The following PDK4 variants were observed in gnomAD, a reference collection of about 807,000 sequenced individuals.
PDK4 encodes pyruvate dehydrogenase kinase, isozyme 4.
In PDK4, 43 loss-of-function variants were observed where a neutral mutation model predicts 51.7. That is an observed-to-expected ratio of 0.83 (90% CI 0.65 to 1.07). The LOEUF is 1.07. Ranked by LOEUF, PDK4 falls within the 50% of genes least tolerant of loss-of-function variation. The pLI, the probability that PDK4 is intolerant of heterozygous loss-of-function variation, is 0.00. For synonymous variants in PDK4, 170 were observed against 176.6 expected (o/e 0.96, Z 0.30); for missense variants, 498 against 503.5 (o/e 0.99, Z 0.10).
In PDK4 at chr7:95,584,630, G is replaced by A. The variant is rs1735007185; in HGVS notation, c.*1011C>T. ...TAAACAGACATATTAATGCTGGAGTGTAGAGAATATAATTAAATATATCAA... is the reference window on the plus strand; with the variant it reads ...TAAACAGACATATTAATGCTGGAGTATAGAGAATATAATTAAATATATCAA... On this transcript the variant is annotated 3_prime_UTR_variant, in exon 11 of 11. Transcript: ENST00000005178. The A allele has an allele frequency of 6.6e-6, 1 of 152,140 alleles. No individual in the cohort carries two copies. Among genetic ancestry groups the A allele is most frequent in the Non-Finnish European group, 1.5e-5 (1 of 68,018 alleles). 9.4% of individuals were successfully genotyped at this position (152,140 alleles called of 1,614,324 possible).
At position 95,592,807 on chromosome 7, in the gene PDK4, C is replaced by G; in HGVS notation, c.482G>C (p.Arg161Pro). Residue 161 changes from arginine to proline, a missense_variant, in exon 4 of 11, where the codon CGA (arginine) becomes CCA (proline). Transcript: ENST00000005178. ...AGTAGAAATACGGTTCATGTAAAATCGATCCAAGAAATATTGAAGATTTTG... is the reference window on the plus strand; with the variant it reads ...AGTAGAAATACGGTTCATGTAAAATGGATCCAAGAAATATTGAAGATTTTG... ...TNQNLQYFLDRFYMNRISTRM... is the reference protein window; with the variant it reads ...TNQNLQYFLDPFYMNRISTRM... The G allele has an allele frequency of 6.2e-7, 1 of 1,613,030 alleles. No individual in the cohort carries two copies. Among genetic ancestry groups the G allele is most frequent in the Non-Finnish European group, 8.5e-7 (1 of 1,179,394 alleles).
chr7:95,594,153 A>G (rs1214194444), intron 2 of PDK4, among the ~76,000 whole-genome samples: 1 of 152,172 alleles, frequency 6.6e-6, no homozygotes, highest in Non-Finnish European at 1.5e-5. Flanking sequence ...AATAGTAAAT[A>G]CTACAGATTG....
rs1382053320 is a variant in PDK4, at chr7:95,592,080, G to T, written c.617-15C>A. On this transcript the variant is annotated splice_polypyrimidine_tract_variant and intron_variant, in intron 5 of 10. Transcript: ENST00000005178. ...CTCAAAGGCATCTGGAATAGAAGTTGTTTTTTATAACAATGAAATGAGTTT... is the reference window on the plus strand; with the variant it reads ...CTCAAAGGCATCTGGAATAGAAGTTTTTTTTTATAACAATGAAATGAGTTT... The T allele has an allele frequency of 1.3e-6, 2 of 1,504,366 alleles. No homozygotes were observed. The highest frequency in any genetic ancestry group is 1.8e-6 in the Non-Finnish European group (2 of 1,104,122). 93.2% of individuals were successfully genotyped at this position (1,504,366 alleles called of 1,614,324 possible).
chr7:95,586,495 C>A (rs1791485120), intron 10 of PDK4, among the ~76,000 whole-genome samples: 1 of 152,088 alleles, frequency 6.6e-6, no homozygotes, highest in Non-Finnish European at 1.5e-5. Context: ...GCCCAGCCAA[C>A]ATGCACCAAG....
In PDK4 at chr7:95,592,882, T is replaced by C; in HGVS notation, c.407A>G (p.Gln136Arg). The C allele has an allele frequency of 6.2e-7, 1 of 1,611,948 alleles. No homozygotes were observed. The highest frequency in any genetic ancestry group is 2.2e-5 in the East Asian group (1 of 44,826). ...RHHNVVPTMA[Q>R]GIIEYKDACT... The stretch of plus-strand genomic sequence containing the variant: ...GGCATCTTTATACTCTATGATTCCT[T>C]GTGCCATTGTAGGGACTACATTATG... Residue 136 changes from glutamine (Q) to arginine (R), a missense_variant, in exon 4 of 11, where the codon CAA (glutamine) becomes CGA (arginine). Gln to Arg is a conservative substitution (Grantham distance 43). Coordinates refer to ENST00000005178, the MANE Select transcript of PDK4 (RefSeq NM_002612.4).
intron 3 of PDK4, among the ~76,000 whole-genome samples, chr7:95,593,491 T>C (rs1791577080): frequency 6.6e-6 from 1 of 152,096 alleles, no homozygotes. Context: ...CAAAAATGAG[T>C]CCTCTACATT....
Position 95,590,342 on chromosome 7 carries a change from T to C in PDK4, c.695-626A>G, listed in dbSNP as rs77418685. Among the ~76,000 whole-genome samples, 421 of 152,052 alleles carry C rather than the reference T, an allele frequency of 2.8e-3. 3 individuals carry two copies. Among genetic ancestry groups the C allele is most frequent in the African/African-American group, 9.9e-3 (409 of 41,484 alleles). On this transcript the variant is annotated intron_variant, in intron 6 of 10. Transcript: ENST00000005178. ...TTTTTTGTATCACCCAAACATTAAA[T>C]CTTATATGTTAAATATGCTAAAATT... is the stretch of plus-strand genomic sequence containing the variant.
rs1450133842 is a variant in PDK4, at chr7:95,596,290, T to G, written c.4A>C (p.Lys2Gln). The change falls in exon 1 of 11, where the codon AAG (lysine) becomes CAG (glutamine). Residue 2 changes from lysine to glutamine, a missense_variant. Lys to Gln is a moderately conservative substitution (Grantham distance 53). Coordinates refer to ENST00000005178, the MANE Select transcript of PDK4 (RefSeq NM_002612.4). M[K>Q]AARFVLRSAG... ...CTGCGCAGCACGAAGCGGGCCGCCT[T>G]CATCTTGACGCCCACCCGGCCTGGC... 2 of 1,571,798 alleles carry G rather than the reference T, an allele frequency of 1.3e-6. No homozygotes were observed. The highest frequency in any genetic ancestry group is 8.6e-7 in the Non-Finnish European group (1 of 1,159,894).
chr7:95,594,914 G>C (rs968758929), intron 2 of PDK4, 109 bp downstream of exon 2: 6 of 606,044 alleles, frequency 9.9e-6, no homozygotes, highest in African/African-American at 9.3e-5. Flanking sequence ...TTCAAAAGTA[G>C]TTACCATTCA....
At chr7:95,592,735 C>T (rs1335218125) in intron 4 of PDK4, 25 bp downstream of exon 4, 2 of 1,582,126 alleles carry the variant, frequency 1.3e-6, no homozygotes, top group Admixed American at 1.7e-5. Context: ...TGTCTATATA[C>T]CATGATCATG....
intron 5 of PDK4, 23 bp downstream of exon 5, chr7:95,592,488 A>G (rs754505335): frequency 1.5e-6 from 2 of 1,296,534 alleles, no homozygotes; most frequent in Non-Finnish European, 2.2e-6. Context: ...TCAATAAGGG[A>G]AGTGCAGAAA....
intron 8 of PDK4, 44 bp from the exon 9 acceptor site, chr7:95,587,572 A>G (rs1460500335): frequency 7.5e-7 from 1 of 1,337,188 alleles, no homozygotes; most frequent in Non-Finnish European, 1.1e-6. Context: ...ATTAAAAACA[A>G]TGTGCATTTG....
chr7:95,591,256 A>G (rs941732751), intron 6 of PDK4, among the ~76,000 whole-genome samples: 1 of 152,194 alleles, frequency 6.6e-6, no homozygotes, highest in African/African-American at 2.4e-5. Context: ...TTTTTGAAGT[A>G]TGTTCTGCTT....
chr7:95,587,793 T>C lies in PDK4; in HGVS notation c.804A>G (p.Glu268=), dbSNP rs770315064. 18 of 1,613,518 alleles carry C rather than the reference T, an allele frequency of 1.1e-5. No individual in the cohort carries two copies. The highest frequency in any genetic ancestry group is 7.6e-6 in the Non-Finnish European group (9 of 1,179,552). ...NAMRATVEHQ[E]NQPSLTPIEV... Reference sequence around the variant, plus strand: ...CTATTGGTGTAAGGGAAGGCTGATTTTCCTGGTGTTCAACTGTTGCCCGCA... The same window carrying C: ...CTATTGGTGTAAGGGAAGGCTGATTCTCCTGGTGTTCAACTGTTGCCCGCA... The change falls in exon 8 of 11, where the codon GAA becomes GAG. Residue 268 remains glutamate, a synonymous_variant. Coordinates refer to ENST00000005178, the MANE Select transcript of PDK4 (RefSeq NM_002612.4).
Position 95,592,545 on chromosome 7 carries a change from A to T in PDK4, c.582T>A (p.Ile194=). ...QTGNPSHIGS[I]DPNCDVVAVV... is the part of the protein sequence containing the mutation. The stretch of plus-strand genomic sequence containing the variant: ...CTGCTACCACATCACAGTTAGGATC[A>T]ATGCTTCCAATGTGGCTTGGGTTTC... The change falls in exon 5 of 11, where the codon ATT becomes ATA. Residue 194 remains isoleucine, a synonymous_variant. Coordinates refer to ENST00000005178, the MANE Select transcript of PDK4 (RefSeq NM_002612.4). 1 of 1,610,624 alleles carries T rather than the reference A, an allele frequency of 6.2e-7. No individual in the cohort carries two copies. The highest frequency in any genetic ancestry group is 8.5e-7 in the Non-Finnish European group (1 of 1,176,834).
Position 95,589,625 on chromosome 7 carries a change from T to G in PDK4, c.771+15A>C. 1 of 1,286,104 alleles carries G rather than the reference T, an allele frequency of 7.8e-7. No homozygotes were observed. Among genetic ancestry groups the G allele is most frequent in the East Asian group, 2.3e-5 (1 of 42,574 alleles). The allele number at this position is 1,286,104 out of a possible 1,614,324, so 79.7% of individuals were successfully genotyped here. On this transcript the variant is annotated intron_variant, in intron 7 of 10. Coordinates refer to ENST00000005178, the MANE Select transcript of PDK4 (RefSeq NM_002612.4). ...TTTTAAAAGGTAAAATTTCAATTAT[T>G]GTGAAGTATCATACCTTAAATAGTT...
At chr7:95,590,950 T>C (rs1791545596) in intron 6 of PDK4, among the ~76,000 whole-genome samples, 1 of 152,160 alleles carries the variant, frequency 6.6e-6, no homozygotes, top group South Asian at 2.1e-4. Context: ...GTTTGTTTGT[T>C]TGTCTGAGAC....
At position 95,585,544 on chromosome 7, in the gene PDK4, T is replaced by G; in HGVS notation, c.*97A>C. The stretch of plus-strand genomic sequence containing the variant: ...ATTAAGGAGTTTTCGTTGCTGTCGT[T>G]TGTTTTGGAGGAAACAAGGGTTCAC... On this transcript the variant is annotated 3_prime_UTR_variant, in exon 11 of 11. Transcript: ENST00000005178. The G allele has an allele frequency of 3.9e-5, 42 of 1,080,068 alleles. No homozygotes were observed. Among genetic ancestry groups the G allele is most frequent in the East Asian group, 2.5e-5 (1 of 40,332 alleles). The allele number at this position is 1,080,068 out of a possible 1,614,324, so 66.9% of individuals were successfully genotyped here. A position where few individuals can be genotyped will look rare whatever the true frequency, so the allele number is the denominator to read the frequency against.
Position 95,592,898 on chromosome 7 carries a change from C to T in PDK4, c.391G>A (p.Val131Ile). 6.2e-7 allele frequency: 1 copy of T among 1,611,654 alleles called. No homozygotes were observed. The highest frequency in any genetic ancestry group is 8.5e-7 in the Non-Finnish European group (1 of 1,178,318). The change falls in exon 4 of 11, where the codon GTC becomes ATC. Residue 131 changes from valine to isoleucine, a missense_variant. Transcript: ENST00000005178. ...ATGATTCCTTGTGCCATTGTAGGGACTACATTATGGTGTCTATTTCGAACT... is the reference window on the plus strand; with the variant it reads ...ATGATTCCTTGTGCCATTGTAGGGATTACATTATGGTGTCTATTTCGAACT... ...IKVRNRHHNVVPTMAQGIIEY... is the reference protein window; with the variant it reads ...IKVRNRHHNVIPTMAQGIIEY...
Sources: gnomAD v4.1 joint callset for allele counts (sites outside exome capture counted in the v4.1 genomes callset) on GRCh38, gnomAD v4.1.1 for gene constraint, MANE v1.5 for transcripts, NCBI Gene and HGNC (gene_info 2026-07-23, HGNC 2026-07-21) for gene names.